SNX13: variants seen among roughly 807,000 people sequenced by gnomAD.
SNX13 encodes sorting nexin 13, also known as sorting nexin-13.
SNX13 carries 45 observed loss-of-function variants against 133.6 expected under a neutral mutation model. The ratio of observed to expected loss-of-function variants is 0.34; its 90% confidence interval spans 0.27 to 0.43. The LOEUF (loss-of-function observed/expected upper bound fraction) is 0.43. Ranked by LOEUF, SNX13 falls within the 20% of genes least tolerant of loss-of-function variation. SNX13 has a pLI of 1.00. For missense variants in SNX13, 1,032 were observed against 1,145.1 expected (o/e 0.90, Z 1.43); for synonymous variants, 414 against 373.9 (o/e 1.11, Z -1.24).
At chr7:17,839,321 T>C (rs1789583992) in intron 13 of SNX13, among the ~76,000 whole-genome samples, 1 of 151,384 alleles carries the variant, frequency 6.6e-6, no homozygotes, top group African/African-American at 2.4e-5. Context: ...TTCTATCTAA[T>C]TGTTTTATCA....
chr7:17,892,801 C>T (rs1240478173), intron 3 of SNX13, among the ~76,000 whole-genome samples: 3 of 152,120 alleles, frequency 2.0e-5, no homozygotes, highest in Admixed American at 2.0e-4. Context: ...GAAGGCACTA[C>T]AATCTGAAAC....
At chr7:17,916,664 A>G (rs535818176) in intron 1 of SNX13, among the ~76,000 whole-genome samples, 1 of 151,968 alleles carries the variant, frequency 6.6e-6, no homozygotes, top group Admixed American at 6.6e-5. Context: ...CAGTAACAAA[A>G]GAAGAACGTA....
In SNX13 at chr7:17,852,686, TGA is replaced by T. The variant is rs1791376094; in HGVS notation, c.838-1724_838-1723del. Among the ~76,000 whole-genome samples the T allele has an allele frequency of 2.6e-5, 4 of 152,220 alleles. No individual in the cohort carries two copies. In the South Asian group the frequency reaches 8.3e-4, roughly 32 times the overall value. On this transcript the variant is annotated intron_variant, in intron 9 of 25. Coordinates refer to ENST00000428135, the MANE Select transcript of SNX13 (RefSeq NM_015132.5). The stretch of plus-strand genomic sequence containing the variant: ...GACTTCTTTCATCTTCTTTTTAAGA[TGA>T]GAGAGATAATGACAAAGGTGTATGA...
At chr7:17,859,009 G>C (rs567585854) in intron 9 of SNX13, among the ~76,000 whole-genome samples, 7 of 152,068 alleles carry the variant, frequency 4.6e-5, no homozygotes, top group Non-Finnish European at 1.0e-4. Context: ...ACTTAGCATA[G>C]GCAAATAACT....
chr7:17,889,818 AAAAGTTTGTTAAAACAAACTCACC>A (rs1796434138), intron 5 of SNX13: 1 of 152,208 alleles, frequency 6.6e-6, no homozygotes, highest in South Asian at 2.1e-4. Context: ...ATCTGACAAA[AAAAGTTTGTTAAAACAAACTCACC>A]AAAATATACT....
chr7:17,925,828 A>T (rs1361099924), intron 1 of SNX13, among the ~76,000 whole-genome samples: 2 of 152,140 alleles, frequency 1.3e-5, no homozygotes, highest in Non-Finnish European at 2.9e-5. Flanking sequence ...GAAAAAGAGG[A>T]GAAAGTGGAG....
intron 1 of SNX13, among the ~76,000 whole-genome samples, chr7:17,910,274 T>C (rs1798823270): frequency 6.6e-6 from 1 of 152,138 alleles, no homozygotes; most frequent in Non-Finnish European, 1.5e-5. Flanking sequence ...TCAGTTTGAA[T>C]GAAAGGAATA....
intron 1 of SNX13, among the ~76,000 whole-genome samples, chr7:17,930,976 G>A (rs1394443543): frequency 6.6e-6 from 1 of 152,140 alleles, no homozygotes; most frequent in Non-Finnish European, 1.5e-5. Context: ...CCCCCCAACA[G>A]CCGTCCGTGG....
chr7:17,913,049 G>C (rs1254431254), intron 1 of SNX13, among the ~76,000 whole-genome samples: 3 of 152,200 alleles, frequency 2.0e-5, no homozygotes, highest in Admixed American at 6.5e-5. Flanking sequence ...TGCTTTCATG[G>C]ACAGTTCAGG....
At chr7:17,878,615 C>G (rs76807421) in intron 5 of SNX13, among the ~76,000 whole-genome samples, 1 of 152,192 alleles carries the variant, frequency 6.6e-6, no homozygotes, top group African/African-American at 2.4e-5. Flanking sequence ...AGGTCTCCCA[C>G]ATCCACTCGT....
chr7:17,824,997 T>C (rs1013068551), intron 17 of SNX13, among the ~76,000 whole-genome samples: 1 of 152,098 alleles, frequency 6.6e-6, no homozygotes, highest in African/African-American at 2.4e-5. Context: ...CTCAATATCT[T>C]GACCTCGTGA....
At chr7:17,854,632 G>T (rs1791666992) in intron 9 of SNX13, among the ~76,000 whole-genome samples, 1 of 152,130 alleles carries the variant, frequency 6.6e-6, no homozygotes, top group South Asian at 2.1e-4. Flanking sequence ...GGTGATCAGT[G>T]ATCTTTGATA....
At chr7:17,821,711 C>G (rs754262518) in intron 17 of SNX13, 63 bp from the exon 18 acceptor site, 2 of 1,475,926 alleles carry the variant, frequency 1.4e-6, no homozygotes, top group Non-Finnish European at 1.8e-6. Context: ...TGAAGAGGAA[C>G]GAAAGACACA....
At chr7:17,803,620 C>T in intron 20 of SNX13, 40 bp from the exon 21 acceptor site, 1 of 1,530,764 alleles carries the variant, frequency 6.5e-7, no homozygotes, top group Non-Finnish European at 8.8e-7. Context: ...CTTTATTGTA[C>T]CAGAGTTGTT....
At chr7:17,888,830 T>G in intron 5 of SNX13, 1 of 428,982 alleles carries the variant, frequency 2.3e-6, no homozygotes, top group African/African-American at 2.1e-5. Flanking sequence ...TTACACTTAT[T>G]TTACATATGA....
chr7:17,833,571 ACT>A (rs1364578879), intron 15 of SNX13, among the ~76,000 whole-genome samples: 2 of 151,706 alleles, frequency 1.3e-5, no homozygotes, highest in Non-Finnish European at 3.0e-5. Context: ...GGGATAAATG[ACT>A]CTTGCGGCTT....
intron 21 of SNX13, among the ~76,000 whole-genome samples, chr7:17,802,617 G>C (rs186840156): frequency 1.3e-5 from 2 of 151,956 alleles, no homozygotes; most frequent in Admixed American, 1.3e-4. Flanking sequence ...CTCACAAATA[G>C]AAATAAAAAT....
At chr7:17,841,294 T>C (rs1789840510) in intron 12 of SNX13, among the ~76,000 whole-genome samples, 1 of 152,008 alleles carries the variant, frequency 6.6e-6, no homozygotes, top group Non-Finnish European at 1.5e-5. Context: ...TTGGGAGCCA[T>C]GCATTAAAAA....
rs1786226707 is a variant in SNX13 at position 17,813,007 on chromosome 7, C to T, written c.2064+1827G>A. Among the ~76,000 whole-genome samples the T allele has an allele frequency of 2.0e-5, 3 of 152,182 alleles. No homozygotes were observed. In the South Asian group the frequency reaches 6.2e-4, roughly 32 times the overall value. The stretch of plus-strand genomic sequence containing the variant: ...GGGAGGGATAGCATTAGGAGAAACA[C>T]CTAATGTAGATCACAGGTTAATGGG... On this transcript the variant is annotated intron_variant, in intron 20 of 25. Coordinates refer to ENST00000428135, the MANE Select transcript of SNX13 (RefSeq NM_015132.5).
Sources: allele counts gnomAD v4.1 joint callset (sites outside exome capture counted in the v4.1 genomes callset), GRCh38; gene constraint gnomAD v4.1.1; transcripts MANE v1.5; gene names NCBI Gene and HGNC (gene_info 2026-07-23, HGNC 2026-07-21).